TENM1: variants seen among roughly 807,000 people sequenced by gnomAD.
TENM1 encodes the protein teneurin transmembrane protein 1, also known as teneurin-1.
TENM1 carries 35 observed loss-of-function variants against 174.8 expected under a neutral mutation model. The ratio of observed to expected loss-of-function variants is 0.20; its 90% CI spans 0.15 to 0.27. TENM1 has a LOEUF of 0.27. Ranked by LOEUF, TENM1 falls within the 10% of genes least tolerant of loss-of-function variation. TENM1 has a pLI of 1.00. For synonymous variants in TENM1, 781 were observed against 798.7 expected (o/e 0.98, Z 0.37); for missense variants, 1,633 against 2,130.1 (o/e 0.77, Z 4.59).
intron 23 of TENM1, among the ~76,000 whole-genome samples, chrX:124,445,375 G>A (rs1175610192): frequency 8.9e-6 from 1 of 111,828 alleles, no homozygotes; most frequent in Non-Finnish European, 1.9e-5. Flanking sequence ...TTACTACATG[G>A]TCAGAATATT....
intron 11 of TENM1, among the ~76,000 whole-genome samples, chrX:124,608,994 A>G (rs984926799): frequency 3.6e-5 from 4 of 111,329 alleles, no homozygotes; most frequent in Admixed American, 9.5e-5. Context: ...TGGTAAACAT[A>G]CTAACAGATA....
At chrX:124,613,531 C>A (rs772285354) in intron 11 of TENM1, among the ~76,000 whole-genome samples, 51 of 111,602 alleles carry the variant, frequency 4.6e-4, no homozygotes, top group African/African-American at 1.1e-3. Flanking sequence ...AATGGGAGAT[C>A]CAACTATCAT....
chrX:124,981,348 A>G, the TENM1 span, among the ~76,000 whole-genome samples: 1 of 111,554 alleles, frequency 9.0e-6, no homozygotes, highest in Non-Finnish European at 1.9e-5. Flanking sequence ...CAAATAACTA[A>G]CTTAAGCCCA....
At chrX:124,918,569 C>CA (rs11374085) in intron 1 of TENM1, among the ~76,000 whole-genome samples, 2,262 of 50,162 alleles carry the variant, frequency 0.045, 44 homozygotes, top group African/African-American at 0.11. Flanking sequence ...AGAGAAATTA[C>CA]AAAAAAAAAA....
the TENM1 span, among the ~76,000 whole-genome samples, chrX:125,146,015 T>C: frequency 1.8e-5 from 2 of 111,844 alleles, no homozygotes; most frequent in Non-Finnish European, 3.8e-5. Context: ...CAGTCTTACA[T>C]GTAAGTAGGA....
At chrX:125,192,562 T>A in the TENM1 span, among the ~76,000 whole-genome samples, 1 of 111,051 alleles carries the variant, frequency 9.0e-6, no homozygotes, top group African/African-American at 3.3e-5. Context: ...GAAATGATGG[T>A]GGTTTGTTCT....
At chrX:124,660,048 T>A (rs1401156034) in intron 6 of TENM1, among the ~76,000 whole-genome samples, 1 of 111,582 alleles carries the variant, frequency 9.0e-6, no homozygotes, top group Admixed American at 9.5e-5. Context: ...CAGGCATAAA[T>A]CTTTGTCACC....
the TENM1 span, among the ~76,000 whole-genome samples, chrX:125,025,910 T>G: frequency 9.0e-6 from 1 of 111,714 alleles, no homozygotes; most frequent in Non-Finnish European, 1.9e-5. Flanking sequence ...TTGTGGGATA[T>G]GCCTAAAGGT....
the TENM1 span, among the ~76,000 whole-genome samples, chrX:125,074,080 A>T: frequency 9.0e-6 from 1 of 110,930 alleles, no homozygotes; most frequent in African/African-American, 3.3e-5. Flanking sequence ...TTGAGAAGAC[A>T]TTTGGAGATT....
At chrX:124,711,715 T>C (rs1450882627) in intron 4 of TENM1, among the ~76,000 whole-genome samples, 1 of 112,283 alleles carries the variant, frequency 8.9e-6, no homozygotes, top group South Asian at 3.7e-4. Flanking sequence ...ATAAAAAGCA[T>C]ATGGCATAAA....
chrX:124,524,397 A>G (rs2047926475), intron 16 of TENM1, among the ~76,000 whole-genome samples: 1 of 112,245 alleles, frequency 8.9e-6, no homozygotes, highest in Non-Finnish European at 1.9e-5. Flanking sequence ...TATCTTGTTC[A>G]GGGTCACAAA....
chrX:125,056,388 G>T, the TENM1 span, among the ~76,000 whole-genome samples: 3 of 111,680 alleles, frequency 2.7e-5, no homozygotes. Flanking sequence ...AAGAAATTAA[G>T]TTAAGCTAAA....
chrX:124,561,362 C>T (rs765403716), intron 14 of TENM1, among the ~76,000 whole-genome samples: 1 of 110,617 alleles, frequency 9.0e-6, no homozygotes, highest in South Asian at 3.9e-4. Flanking sequence ...ACTTACTATC[C>T]CCACCCAGAG....
chrX:124,705,795 C>T (rs190044787), intron 4 of TENM1, among the ~76,000 whole-genome samples: 131 of 112,417 alleles, frequency 1.2e-3, no homozygotes, highest in African/African-American at 4.0e-3. Flanking sequence ...CCACAGTTAG[C>T]ATTTGACTGA....
At chrX:125,078,066 G>T in the TENM1 span, among the ~76,000 whole-genome samples, 1 of 111,842 alleles carries the variant, frequency 8.9e-6, no homozygotes, top group African/African-American at 3.2e-5. Context: ...AACAGAGGAT[G>T]TGCAGTCTTG....
At chrX:124,430,235 C>T (rs780038137) in intron 23 of TENM1, among the ~76,000 whole-genome samples, 7 of 111,631 alleles carry the variant, frequency 6.3e-5, no homozygotes, top group African/African-American at 2.3e-4. Flanking sequence ...TGGGACACTG[C>T]TTCTCATACT....
the TENM1 span, among the ~76,000 whole-genome samples, chrX:125,198,709 A>G: frequency 1.1e-4 from 12 of 111,526 alleles, no homozygotes; most frequent in African/African-American, 3.3e-4. Flanking sequence ...ATTAACAAGC[A>G]GATTCCCATT....
chrX:124,954,210 A>G (rs2058536332), intron 1 of TENM1, among the ~76,000 whole-genome samples: 2 of 111,807 alleles, frequency 1.8e-5, no homozygotes, highest in Admixed American at 1.9e-4. Flanking sequence ...TTGGTAATAA[A>G]TTGGTATCTA....
intron 5 of TENM1, among the ~76,000 whole-genome samples, chrX:124,704,484 T>G: frequency 8.9e-6 from 1 of 112,061 alleles, no homozygotes; most frequent in Non-Finnish European, 1.9e-5. Context: ...GCTTTACTTT[T>G]CAAGACATAG....
Sources: gnomAD v4.1 joint callset for allele counts (sites outside exome capture counted in the v4.1 genomes callset) on GRCh38, gnomAD v4.1.1 for gene constraint, MANE v1.5 for transcripts, NCBI Gene and HGNC (gene_info 2026-07-23, HGNC 2026-07-21) for gene names.